Variants in XKR9 observed in about 807,000 individuals in gnomAD.
XKR9 encodes XK related 9.
A neutral mutation model predicts 32.0 loss-of-function variants in XKR9; 32 were observed. The observed-to-expected ratio is 1.00, with a 90% CI of 0.76 to 1.34. The LOEUF (loss-of-function observed/expected upper bound fraction) is 1.34. Among genes scored for constraint, XKR9 ranks in the 40% most tolerant of loss-of-function variants. The pLI is 0.00. For synonymous variants in XKR9, 168 were observed against 143.4 expected, an observed-to-expected ratio of 1.17 and a Z score of -1.22; for missense variants, 546 against 429.7, an observed-to-expected ratio of 1.27 and a Z score of -2.39.
In XKR9 at chr8:70,734,124, A is replaced by T. The variant is rs1368647414; in HGVS notation, c.822A>T (p.Thr274=). The T allele has an allele frequency of 6.2e-7, 1 of 1,612,334 alleles. No individual in the cohort carries two copies. The highest frequency in any genetic ancestry group is 8.5e-7 in the Non-Finnish European group (1 of 1,178,854). ...TTGTTGGATTCATTCTTATCTTTAC[A>T]TTTTTTAATATTAAGGGACAGAATA... is the stretch of plus-strand genomic sequence containing the variant. ...RIVVGFILIF[T]FFNIKGQNTK... Residue 274 remains threonine (T), a synonymous_variant, in exon 5 of 5, where the codon ACA becomes ACT. Transcript: ENST00000408926.
At chr8:71,064,494 G>A in the XKR9 span, among the ~76,000 whole-genome samples, 15 of 152,140 alleles carry the variant, frequency 9.9e-5, no homozygotes, top group South Asian at 1.7e-3. Flanking sequence ...TTGATACCAC[G>A]TATGGAATGA....
chr8:70,762,111 T>A (rs202176290), intron 2 of XKR9, among the ~76,000 whole-genome samples: 3 of 152,190 alleles, frequency 2.0e-5, no homozygotes, highest in Non-Finnish European at 4.4e-5. Context: ...CCCTGTAGTA[T>A]AGTTTGAAGT....
At chr8:70,769,826 T>C (rs1296525090) in intron 2 of XKR9, among the ~76,000 whole-genome samples, 1 of 152,076 alleles carries the variant, frequency 6.6e-6, no homozygotes, top group Non-Finnish European at 1.5e-5. Flanking sequence ...ATTATTCTAG[T>C]TAGCATTTCC....
chr8:70,974,342 A>G, the XKR9 span, among the ~76,000 whole-genome samples: 1 of 151,924 alleles, frequency 6.6e-6, no homozygotes, highest in Admixed American at 6.6e-5. Flanking sequence ...TGCTGCACCC[A>G]TTAACTCATC....
At chr8:70,853,530 A>G in the XKR9 span, among the ~76,000 whole-genome samples, 1 of 151,672 alleles carries the variant, frequency 6.6e-6, no homozygotes, top group Non-Finnish European at 1.5e-5. Context: ...ACAAATGAAC[A>G]AAAAAAAGAC....
Position 70,669,439 on chromosome 8 carries a change from G to A in XKR9, c.-460G>A. 1 of 341,026 alleles carries A rather than the reference G, an allele frequency of 2.9e-6. No homozygotes were observed. The highest frequency in any genetic ancestry group is 3.2e-5 in the South Asian group (1 of 31,654). 21.1% of individuals were successfully genotyped at this position (341,026 alleles called of 1,614,324 possible). A position where few individuals can be genotyped will look rare whatever the true frequency, so the allele number is the denominator to read the frequency against. On this transcript the variant is annotated 5_prime_UTR_variant, in exon 1 of 5. Transcript: ENST00000408926. ...CGAAGCTGGAATCTGCCTCTGTCAC[G>A]GGGGCTGGTGCCTCACGGGTTTGTG...
chr8:70,694,675 C>G (rs556509963), intron 3 of XKR9, among the ~76,000 whole-genome samples: 3 of 152,308 alleles, frequency 2.0e-5, no homozygotes, highest in East Asian at 3.9e-4. Flanking sequence ...GGAGTGCCTT[C>G]TTAGGGAGGT....
chr8:70,922,644 C>A, the XKR9 span, among the ~76,000 whole-genome samples: 1 of 152,194 alleles, frequency 6.6e-6, no homozygotes, highest in African/African-American at 2.4e-5. Flanking sequence ...CTTTATCTGA[C>A]AGAGAAATTA....
intron 2 of XKR9, among the ~76,000 whole-genome samples, chr8:70,767,429 T>A (rs1021577102): frequency 6.6e-5 from 10 of 152,004 alleles, no homozygotes; most frequent in Non-Finnish European, 1.3e-4. Context: ...TGTATTTCTG[T>A]GAGATCAGTG....
chr8:70,908,428 A>T, the XKR9 span, among the ~76,000 whole-genome samples: 1 of 152,226 alleles, frequency 6.6e-6, no homozygotes, highest in South Asian at 2.1e-4. Context: ...GAAGCTCACC[A>T]GGGAGTTTTT....
At chr8:70,964,875 A>G in the XKR9 span, among the ~76,000 whole-genome samples, 2 of 152,200 alleles carry the variant, frequency 1.3e-5, no homozygotes, top group African/African-American at 4.8e-5. Flanking sequence ...TTCCAGATAT[A>G]GGATCATGTT....
the XKR9 span, among the ~76,000 whole-genome samples, chr8:70,961,348 G>A: frequency 6.6e-6 from 1 of 152,168 alleles, no homozygotes; most frequent in East Asian, 1.9e-4. Flanking sequence ...GACAGGATGA[G>A]ATGAAGGTGA....
chr8:71,059,691 C>T, the XKR9 span, among the ~76,000 whole-genome samples: 7 of 152,192 alleles, frequency 4.6e-5, no homozygotes, highest in Non-Finnish European at 8.8e-5. Context: ...TTCCACTCCC[C>T]GCCCAGTAAC....
the XKR9 span, among the ~76,000 whole-genome samples, chr8:70,842,628 G>A: frequency 6.6e-6 from 1 of 151,400 alleles, no homozygotes; most frequent in African/African-American, 2.4e-5. Flanking sequence ...CAACACATAA[G>A]GTTGTTCTCA....
At chr8:70,935,840 G>T in the XKR9 span, among the ~76,000 whole-genome samples, 12 of 151,960 alleles carry the variant, frequency 7.9e-5, no homozygotes, top group Non-Finnish European at 1.8e-4. Flanking sequence ...TTTACCATCT[G>T]CACTTTGTTA....
At chr8:70,728,636 G>C (rs1806557475) in intron 4 of XKR9, among the ~76,000 whole-genome samples, 1 of 152,102 alleles carries the variant, frequency 6.6e-6, no homozygotes, top group South Asian at 2.1e-4. Context: ...AAAAACTCAA[G>C]AACAGCTAAC....
At chr8:70,845,341 G>A in the XKR9 span, among the ~76,000 whole-genome samples, 2 of 152,202 alleles carry the variant, frequency 1.3e-5, no homozygotes, top group Admixed American at 1.3e-4. Context: ...TGTTACACAA[G>A]ATGTGCAGGT....
the XKR9 span, among the ~76,000 whole-genome samples, chr8:70,802,945 G>A: frequency 4.6e-5 from 7 of 152,112 alleles, no homozygotes; most frequent in African/African-American, 1.2e-4. Context: ...GTGGTCTCTT[G>A]TATAGTATCT....
chr8:70,759,441 C>A (rs1186130943), intron 2 of XKR9, among the ~76,000 whole-genome samples: 1 of 152,078 alleles, frequency 6.6e-6, no homozygotes, highest in Non-Finnish European at 1.5e-5. Context: ...GATGATTTTC[C>A]TCCTTTTTAT....
Sources: allele counts gnomAD v4.1 joint callset (sites outside exome capture counted in the v4.1 genomes callset), GRCh38; gene constraint gnomAD v4.1.1; transcripts MANE v1.5; gene names NCBI Gene and HGNC (gene_info 2026-07-23, HGNC 2026-07-21).